Variants in KLHL22 observed in about 807,000 individuals in gnomAD.
KLHL22 encodes the protein kelch-like protein 22.
KLHL22 carries 18 observed loss-of-function variants against 60.7 expected under a neutral mutation model. The ratio of observed to expected loss-of-function variants is 0.30; its 90% CI spans 0.20 to 0.44. KLHL22 has a LOEUF of 0.44. Ranked by LOEUF, KLHL22 falls within the 20% of genes least tolerant of loss-of-function variation. KLHL22 has a pLI of 1.00. For synonymous variants in KLHL22, 355 were observed against 354.5 expected, an observed-to-expected ratio of 1.00 and a Z score of -0.01; for missense variants, 596 against 852.3, an observed-to-expected ratio of 0.70 and a Z score of 3.74.
intron 3 of KLHL22, among the ~76,000 whole-genome samples, chr22:20,467,085 T>A (rs1172993816): frequency 1.3e-5 from 2 of 152,070 alleles, no homozygotes; most frequent in East Asian, 3.8e-4. Context: ...GATTTTAGAG[T>A]TTCAGTGGGG....
intron 3 of KLHL22, among the ~76,000 whole-genome samples, chr22:20,466,203 G>A (rs1295833962): frequency 6.6e-6 from 1 of 151,830 alleles, no homozygotes; most frequent in Non-Finnish European, 1.5e-5. Flanking sequence ...GTGAAACACC[G>A]TCTCTACTAG....
At chr22:20,442,542 G>T in intron 6 of KLHL22, 104 bp from the exon 7 acceptor site, 2 of 1,365,588 alleles carry the variant, frequency 1.5e-6, no homozygotes, top group Non-Finnish European at 1.9e-6. Context: ...CCACCATTCT[G>T]ACAGGTCAGG....
At chr22:20,472,403 C>T (rs184011428) in intron 2 of KLHL22, among the ~76,000 whole-genome samples, 15 of 152,310 alleles carry the variant, frequency 9.8e-5, no homozygotes, top group African/African-American at 3.1e-4. Context: ...CCAGCCTAGG[C>T]AACACGGTGA....
chr22:20,452,332 G>A (rs1291505207), intron 5 of KLHL22, among the ~76,000 whole-genome samples: 1 of 151,926 alleles, frequency 6.6e-6, no homozygotes, highest in Non-Finnish European at 1.5e-5. Flanking sequence ...CCATTCTAAA[G>A]GGAAACAAAA....
chr22:20,451,830 G>A, intron 5 of KLHL22: 2 of 1,602,980 alleles, frequency 1.2e-6, no homozygotes, highest in Admixed American at 3.3e-5. Flanking sequence ...AGTGACCATT[G>A]TTGGAGCACC....
intron 5 of KLHL22, among the ~76,000 whole-genome samples, chr22:20,448,355 A>T (rs1445646117): frequency 6.6e-6 from 1 of 152,192 alleles, no homozygotes; most frequent in African/African-American, 2.4e-5. Flanking sequence ...AATCTGAAAA[A>T]ATCTGAAATC....
At chr22:20,484,779 C>T (rs565974232) in intron 2 of KLHL22, among the ~76,000 whole-genome samples, 1 of 150,218 alleles carries the variant, frequency 6.7e-6, no homozygotes, top group South Asian at 2.1e-4. Context: ...CTTTGTCATC[C>T]AAGCGAGAGT....
chr22:20,489,059 A>G lies in KLHL22; in HGVS notation c.153T>C (p.Asp51=), dbSNP rs764290958. Residue 51 remains aspartate, a synonymous_variant, in exon 2 of 7, where the codon GAT becomes GAC. Coordinates refer to ENST00000328879, the MANE Select transcript of KLHL22 (RefSeq NM_032775.4). The part of the protein sequence containing the change: ...LALRDSGILF[D]VVLVVEGRHI... ...GTCTGCCCTCCACCACCAGCACAAC[A>G]TCGAAGAGGATTCCGCTGTCCCGGA... The G allele has an allele frequency of 5.0e-6, 8 of 1,613,944 alleles. No individual in the cohort carries two copies. The East Asian group carries it at 1.8e-4, about 36-fold the overall frequency.
chr22:20,484,761 G>A (rs1422191563), intron 2 of KLHL22, among the ~76,000 whole-genome samples: 1 of 148,688 alleles, frequency 6.7e-6, no homozygotes, highest in East Asian at 2.0e-4. Flanking sequence ...GAGAAAAGAG[G>A]TCTCTTACTT....
rs2052761972 is a variant in KLHL22, at chr22:20,441,821, C to A, written c.*252G>T. ...AGAAGGCCAACCCCTCCAGGGCTCA[C>A]TGAGGAAGGCCAAAGCCTTTCAGAA... On this transcript the variant is annotated 3_prime_UTR_variant, in exon 7 of 7. Coordinates refer to ENST00000328879, the MANE Select transcript of KLHL22 (RefSeq NM_032775.4). The A allele has an allele frequency of 7.7e-6, 3 of 390,464 alleles. No homozygotes were observed. The East Asian group carries it at 1.1e-4, about 15-fold the overall frequency. 24.2% of individuals were successfully genotyped at this position (390,464 alleles called of 1,614,324 possible).
At chr22:20,450,058 G>A (rs1006465201) in intron 5 of KLHL22, 1 of 702,246 alleles carries the variant, frequency 1.4e-6, no homozygotes, top group East Asian at 2.5e-5. Flanking sequence ...GCGCGGCTGT[G>A]TGGGATCAGA....
chr22:20,460,163 G>T (rs2146204445), intron 4 of KLHL22, among the ~76,000 whole-genome samples: 1 of 152,256 alleles, frequency 6.6e-6, no homozygotes, highest in East Asian at 1.9e-4. Context: ...CTCCTCTCTT[G>T]TGTTCAGTCT....
chr22:20,484,000 A>T, intron 2 of KLHL22: 1 of 718,412 alleles, frequency 1.4e-6, no homozygotes, highest in East Asian at 2.7e-5. Flanking sequence ...GTGCCTGCAT[A>T]GACGCTGGCC....
At chr22:20,467,937 C>G (rs897498043) in intron 3 of KLHL22, among the ~76,000 whole-genome samples, 1 of 152,338 alleles carries the variant, frequency 6.6e-6, no homozygotes, top group Admixed American at 6.5e-5. Context: ...GGATTACAGG[C>G]GTGAGCCACG....
Position 20,446,636 on chromosome 22 carries a change from T to C in KLHL22, c.1346A>G (p.Tyr449Cys). Residue 449 changes from tyrosine to cysteine, a missense_variant, in exon 6 of 7, where the codon TAT becomes TGT. Transcript: ENST00000328879. ...CTCCCCTCTGCGGCCGCAGGTGATA[T>C]ACATCTTCCCCTCCAGCGTCGCGCC... ...HAGATLEGKM[Y>C]ITCGRRGEDY... The C allele has an allele frequency of 6.2e-7, 1 of 1,613,232 alleles. No homozygotes were observed. The highest frequency in any genetic ancestry group is 8.5e-7 in the Non-Finnish European group (1 of 1,180,044).
At chr22:20,464,217 CTT>C (rs75351052) in intron 4 of KLHL22, among the ~76,000 whole-genome samples, 9,842 of 152,234 alleles carry the variant, frequency 0.065, 810 homozygotes, top group East Asian at 0.46. Context: ...AAAACTCTCT[CTT>C]GGGAAAACTG....
Position 20,442,172 on chromosome 22 carries a change from G to C in KLHL22, c.1806C>G (p.Pro602=). 1.3e-6 allele frequency: 2 copies of C among 1,563,452 alleles called. No homozygotes were observed. The highest frequency in any genetic ancestry group is 1.7e-6 in the Non-Finnish European group (2 of 1,152,812). Reference sequence around the variant, plus strand: ...CCTGGCTGCGGTCAGGGGTCCCGCGGGGCGGCTCAAGGAGCAGGGAGCGGG... The same window carrying C: ...CCTGGCTGCGGTCAGGGGTCCCGCGCGGCGGCTCAAGGAGCAGGGAGCGGG... ...TLPRSLLLEP[P]RGTPDRSQAD... The change falls in exon 7 of 7, where the codon CCC becomes CCG. Residue 602 remains proline (P), a synonymous_variant. Coordinates refer to ENST00000328879, the MANE Select transcript of KLHL22 (RefSeq NM_032775.4).
At chr22:20,490,246 T>C (rs998838216) in intron 1 of KLHL22, among the ~76,000 whole-genome samples, 1 of 152,234 alleles carries the variant, frequency 6.6e-6, no homozygotes, top group Non-Finnish European at 1.5e-5. Context: ...CCTCCAGTCA[T>C]GCATCACTTA....
intron 2 of KLHL22, among the ~76,000 whole-genome samples, chr22:20,485,025 T>C (rs1354969183): frequency 6.6e-6 from 1 of 152,190 alleles, no homozygotes; most frequent in Non-Finnish European, 1.5e-5. Flanking sequence ...TTGTGGGGAA[T>C]ACAACTTTCT....
Sources: allele counts gnomAD v4.1 joint callset (sites outside exome capture counted in the v4.1 genomes callset), GRCh38; gene constraint gnomAD v4.1.1; transcripts MANE v1.5; gene names NCBI Gene and HGNC (gene_info 2026-07-23, HGNC 2026-07-21).